WWOX: variants seen among roughly 807,000 people sequenced by gnomAD.
WWOX encodes the protein WW domain-containing oxidoreductase.
Under a neutral mutation model 46.2 loss-of-function variants are expected in WWOX, and 69 were observed. The observed-to-expected ratio is 1.49, with a 90% confidence interval of 1.23 to 1.82. The LOEUF (loss-of-function observed/expected upper bound fraction) is 1.82. Among genes scored for constraint, WWOX ranks in the 40% most tolerant of loss-of-function variants. The pLI is 0.00. For missense variants in WWOX, 919 were observed against 542.6 expected, an observed-to-expected ratio of 1.69 and a Z score of -6.89; for synonymous variants, 359 against 202.6, an observed-to-expected ratio of 1.77 and a Z score of -6.56.
intron 8 of WWOX, among the ~76,000 whole-genome samples, chr16:78,771,580 T>A (rs1047759224): frequency 2.0e-5 from 3 of 152,112 alleles, no homozygotes; most frequent in African/African-American, 7.2e-5. Context: ...GAGACCAGCC[T>A]GGCCAGCATG....
intron 6 of WWOX, among the ~76,000 whole-genome samples, chr16:78,416,014 C>T (rs898470934): frequency 6.6e-6 from 1 of 152,150 alleles, no homozygotes; most frequent in Non-Finnish European, 1.5e-5. Flanking sequence ...GTAGAACCTG[C>T]ATGCTGCCTT....
intron 8 of WWOX, among the ~76,000 whole-genome samples, chr16:78,965,749 A>G (rs565473780): frequency 4.6e-5 from 7 of 152,002 alleles, no homozygotes; most frequent in African/African-American, 7.2e-5. Flanking sequence ...TTAAGCAGCA[A>G]CCTCTGCACA....
At chr16:78,791,690 C>G (rs1052005073) in intron 8 of WWOX, among the ~76,000 whole-genome samples, 2 of 151,988 alleles carry the variant, frequency 1.3e-5, no homozygotes, top group African/African-American at 4.8e-5. Context: ...CCAGCCTGGC[C>G]AACATGATGA....
chr16:78,693,417 G>C (rs1207289024), intron 8 of WWOX, among the ~76,000 whole-genome samples: 3 of 152,032 alleles, frequency 2.0e-5, no homozygotes, highest in Non-Finnish European at 4.4e-5. Flanking sequence ...TGCCTGCTCT[G>C]TCAGCCACCC....
intron 8 of WWOX, among the ~76,000 whole-genome samples, chr16:78,799,756 A>C (rs543378190): frequency 6.6e-6 from 1 of 152,322 alleles, no homozygotes; most frequent in Admixed American, 6.5e-5. Flanking sequence ...GAGAGGGGGA[A>C]TTGGGCATGC....
Position 78,875,850 on chromosome 16 carries a change from A to G in WWOX, c.1057-335758A>G, listed in dbSNP as rs543691232. Among the ~76,000 whole-genome samples the G allele has an allele frequency of 7.3e-4, 111 of 152,298 alleles. 1 individual carries two copies. The South Asian group carries it at 0.023, about 32-fold the overall frequency. On this transcript the variant is annotated intron_variant, in intron 8 of 8. Coordinates refer to ENST00000566780, the MANE Select transcript of WWOX (RefSeq NM_016373.4). ...CTAGGGCATCTCATTCGTTTTTTAA[A>G]AGAATGTTTCTTCCACACTTTTATT...
chr16:78,937,565 G>A (rs866479661), intron 8 of WWOX, among the ~76,000 whole-genome samples: 10 of 146,906 alleles, frequency 6.8e-5, no homozygotes, highest in Non-Finnish European at 7.4e-5. Context: ...AAAGTGCTGC[G>A]ATTACAGGCA....
Position 78,191,716 on chromosome 16 carries a change from G to T in WWOX, c.516+27427G>T, listed in dbSNP as rs146650660. 1.4e-3 allele frequency among the ~76,000 whole-genome samples: 210 copies of T among 152,218 alleles called. 1 individual carries two copies. The highest frequency in any genetic ancestry group is 1.6e-3 in the Non-Finnish European group (110 of 68,028). On this transcript the variant is annotated intron_variant, in intron 5 of 8. Coordinates refer to ENST00000566780, the MANE Select transcript of WWOX (RefSeq NM_016373.4). ...AGAACAAGGCAGGTTCTTGATCCTC[G>T]GAAGAGATTCTTATCTGAGAGGGGA... is the stretch of plus-strand genomic sequence containing the variant.
chr16:79,120,170 C>T (rs142400536), intron 8 of WWOX, among the ~76,000 whole-genome samples: 200 of 152,330 alleles, frequency 1.3e-3, no homozygotes, highest in African/African-American at 4.1e-3. Flanking sequence ...ATTTTCCATA[C>T]GGCCTGTGAG....
At chr16:78,388,014 G>A (rs938492065) in intron 6 of WWOX, among the ~76,000 whole-genome samples, 1 of 152,076 alleles carries the variant, frequency 6.6e-6, no homozygotes, top group Admixed American at 6.6e-5. Context: ...AAATGGCCCT[G>A]TGGGGAGCTG....
intron 5 of WWOX, among the ~76,000 whole-genome samples, chr16:78,326,798 T>G (rs925907822): frequency 4.9e-5 from 6 of 121,690 alleles, no homozygotes; most frequent in African/African-American, 1.7e-4. Context: ...AGATATAACT[T>G]TAATTGTCAA....
chr16:78,452,636 T>G (rs1014712656), intron 8 of WWOX, among the ~76,000 whole-genome samples: 9 of 151,574 alleles, frequency 5.9e-5, no homozygotes, highest in African/African-American at 1.9e-4. Context: ...CTACCACACC[T>G]GGCTAATTAT....
chr16:79,083,759 C>T (rs543682507), intron 8 of WWOX, among the ~76,000 whole-genome samples: 20 of 152,260 alleles, frequency 1.3e-4, no homozygotes, highest in South Asian at 4.1e-4. Context: ...CAAAGGGAGC[C>T]GTGTGGAGCT....
intron 4 of WWOX, among the ~76,000 whole-genome samples, chr16:78,150,833 A>G (rs934710147): frequency 1.1e-4 from 17 of 152,160 alleles, no homozygotes; most frequent in Admixed American, 7.2e-4. Context: ...AATTGTGAAT[A>G]ATAAAAGACT....
intron 5 of WWOX, among the ~76,000 whole-genome samples, chr16:78,307,019 TTA>T (rs769938364): frequency 3.9e-5 from 6 of 152,224 alleles, no homozygotes; most frequent in Non-Finnish European, 8.8e-5. Flanking sequence ...CAGTTCTCCA[TTA>T]TATCTTTGTT....
At chr16:79,162,461 C>G (rs746381662) in intron 8 of WWOX, among the ~76,000 whole-genome samples, 50 of 152,176 alleles carry the variant, frequency 3.3e-4, no homozygotes, top group Non-Finnish European at 5.4e-4. Context: ...TGACTCTCAG[C>G]TGTCCTGATG....
intron 8 of WWOX, among the ~76,000 whole-genome samples, chr16:79,089,333 CT>C (rs11309218): frequency 0.69 from 91,572 of 132,434 alleles, 31,857 homozygotes; most frequent in African/African-American, 0.9. Flanking sequence ...AGGTGGGGAC[CT>C]TTTTTTTTTT....
intron 6 of WWOX, among the ~76,000 whole-genome samples, chr16:78,403,740 A>G (rs1233913625): frequency 6.6e-6 from 1 of 152,258 alleles, no homozygotes; most frequent in Non-Finnish European, 1.5e-5. Context: ...AGTCAAAGAC[A>G]AAGTTTTCAG....
intron 8 of WWOX, among the ~76,000 whole-genome samples, chr16:78,621,410 CT>C (rs1161564340): frequency 6.6e-6 from 1 of 151,840 alleles, no homozygotes; most frequent in Non-Finnish European, 1.5e-5. Flanking sequence ...CACCTCTCCC[CT>C]GGTAACTGAT....
Sources: gnomAD v4.1 joint callset for allele counts (sites outside exome capture counted in the v4.1 genomes callset) on GRCh38, gnomAD v4.1.1 for gene constraint, MANE v1.5 for transcripts, NCBI Gene and HGNC (gene_info 2026-07-23, HGNC 2026-07-21) for gene names.